NR6A1: variants seen among roughly 807,000 people sequenced by gnomAD.
NR6A1 encodes the protein retinoic acid receptor-related testis-associated receptor.
Under a neutral mutation model 59.1 loss-of-function variants are expected in NR6A1, and 7 were observed. That is an observed-to-expected ratio of 0.12 (90% CI 0.07 to 0.22). The LOEUF is 0.22. Among genes scored for constraint, NR6A1 ranks in the 10% least tolerant of loss-of-function variants. The probability of loss-of-function intolerance (pLI) is 1.00; values close to 1 mark genes in which losing one functional copy is unlikely to be tolerated. For synonymous variants in NR6A1, 243 were observed against 236.1 expected (o/e 1.03, Z -0.27); for missense variants, 468 against 611.6 (o/e 0.77, Z 2.48).
intron 2 of NR6A1, among the ~76,000 whole-genome samples, chr9:124,718,205 G>A (rs942943022): frequency 6.6e-6 from 1 of 152,156 alleles, no homozygotes; most frequent in Non-Finnish European, 1.5e-5. Flanking sequence ...CATTTCATTA[G>A]GGTCGCTTTC....
At chr9:124,662,332 AG>A (rs1021184914) in intron 2 of NR6A1, among the ~76,000 whole-genome samples, 1 of 152,196 alleles carries the variant, frequency 6.6e-6, no homozygotes, top group Non-Finnish European at 1.5e-5. Context: ...AGGACCTAGA[AG>A]TCACTTGGTC....
chr9:124,615,989 A>G (rs1415966375), intron 2 of NR6A1, among the ~76,000 whole-genome samples: 1 of 152,006 alleles, frequency 6.6e-6, no homozygotes, highest in East Asian at 1.9e-4. Context: ...AGCCTCACAA[A>G]GCTGGGATTA....
At chr9:124,582,310 TG>T (rs1359368358) in intron 2 of NR6A1, among the ~76,000 whole-genome samples, 1 of 152,004 alleles carries the variant, frequency 6.6e-6, no homozygotes, top group East Asian at 1.9e-4. Flanking sequence ...CAAACTAACA[TG>T]CGAACAGAAA....
intron 2 of NR6A1, among the ~76,000 whole-genome samples, chr9:124,576,380 C>T (rs760620986): frequency 7.2e-5 from 11 of 152,126 alleles, no homozygotes; most frequent in South Asian, 2.1e-4. Context: ...TTCCACCTCC[C>T]GGGTTCAAGC....
At chr9:124,689,901 T>G (rs539948059) in intron 2 of NR6A1, among the ~76,000 whole-genome samples, 6 of 152,316 alleles carry the variant, frequency 3.9e-5, no homozygotes, top group Non-Finnish European at 8.8e-5. Context: ...TCATCAGTTA[T>G]ATTTACGTGT....
At chr9:124,734,077 G>A (rs1210375326) in intron 1 of NR6A1, among the ~76,000 whole-genome samples, 1 of 152,136 alleles carries the variant, frequency 6.6e-6, no homozygotes, top group Non-Finnish European at 1.5e-5. Context: ...TCCTGAAATG[G>A]CTGCATACTT....
At chr9:124,565,065 A>T (rs940913385) in intron 2 of NR6A1, among the ~76,000 whole-genome samples, 1 of 152,222 alleles carries the variant, frequency 6.6e-6, no homozygotes, top group Non-Finnish European at 1.5e-5. Context: ...CAAAGGCAAA[A>T]TAATATATCT....
At chr9:124,546,234 T>G (rs1833597341) in intron 3 of NR6A1, among the ~76,000 whole-genome samples, 1 of 152,230 alleles carries the variant, frequency 6.6e-6, no homozygotes, top group South Asian at 2.1e-4. Flanking sequence ...AGTAAAGTAT[T>G]AGTATCACTC....
chr9:124,534,048 A>C (rs1348263192), intron 7 of NR6A1, among the ~76,000 whole-genome samples: 1 of 151,458 alleles, frequency 6.6e-6, no homozygotes, highest in African/African-American at 2.4e-5. Flanking sequence ...ATGTCTATTT[A>C]AATACAAACT....
intron 2 of NR6A1, among the ~76,000 whole-genome samples, chr9:124,714,655 A>G (rs1314725753): frequency 1.3e-5 from 2 of 152,256 alleles, no homozygotes; most frequent in African/African-American, 2.4e-5. Flanking sequence ...TTTATTTTTT[A>G]AAGTTACTAG....
chr9:124,549,763 C>T (rs546730958), intron 3 of NR6A1, among the ~76,000 whole-genome samples: 1 of 152,094 alleles, frequency 6.6e-6, no homozygotes, highest in South Asian at 2.1e-4. Flanking sequence ...TCCCATACAC[C>T]CTCCTCCTTT....
At chr9:124,701,260 G>A (rs761705018) in intron 2 of NR6A1, among the ~76,000 whole-genome samples, 5 of 152,018 alleles carry the variant, frequency 3.3e-5, no homozygotes, top group Non-Finnish European at 1.5e-5. Context: ...CAGTCTTTTC[G>A]ATTACAGCTA....
chr9:124,748,688 G>A (rs1195842619), intron 1 of NR6A1, among the ~76,000 whole-genome samples: 24 of 151,144 alleles, frequency 1.6e-4, no homozygotes, highest in African/African-American at 5.8e-4. Context: ...GTGAAACCCC[G>A]TCTCTATTAA....
chr9:124,759,269 C>T (rs1840721833), intron 1 of NR6A1, among the ~76,000 whole-genome samples: 2 of 152,234 alleles, frequency 1.3e-5, no homozygotes, highest in Non-Finnish European at 2.9e-5. Flanking sequence ...TTTTCCTAAA[C>T]TGCATTCCCG....
chr9:124,751,436 T>G (rs537138566), intron 1 of NR6A1, among the ~76,000 whole-genome samples: 1 of 152,144 alleles, frequency 6.6e-6, no homozygotes, highest in African/African-American at 2.4e-5. Flanking sequence ...GACAATAACA[T>G]TCGAAACTCC....
chr9:124,730,158 G>C (rs1442789829), intron 2 of NR6A1, among the ~76,000 whole-genome samples: 1 of 152,116 alleles, frequency 6.6e-6, no homozygotes, highest in Non-Finnish European at 1.5e-5. Context: ...TCTTCAAAGA[G>C]AAAGATTAAA....
At chr9:124,566,886 A>G (rs1337035579) in intron 2 of NR6A1, among the ~76,000 whole-genome samples, 1 of 152,168 alleles carries the variant, frequency 6.6e-6, no homozygotes, top group Non-Finnish European at 1.5e-5. Flanking sequence ...AGGCGGGCGG[A>G]TCACGAGGTC....
chr9:124,753,897 T>C (rs1840571905), intron 1 of NR6A1, among the ~76,000 whole-genome samples: 1 of 152,130 alleles, frequency 6.6e-6, no homozygotes, highest in African/African-American at 2.4e-5. Context: ...ATAATTCTAC[T>C]TACAAGCAAG....
intron 2 of NR6A1, among the ~76,000 whole-genome samples, chr9:124,583,579 C>T (rs184980979): frequency 1.3e-5 from 2 of 152,166 alleles, no homozygotes; most frequent in African/African-American, 4.8e-5. Context: ...GGGGCAGGGG[C>T]ATCCACTCAC....
Sources: allele counts gnomAD v4.1 joint callset (sites outside exome capture counted in the v4.1 genomes callset), GRCh38; gene constraint gnomAD v4.1.1; transcripts MANE v1.5; gene names NCBI Gene and HGNC (gene_info 2026-07-23, HGNC 2026-07-21).